BPTF: variants seen among roughly 807,000 people sequenced by gnomAD.
BPTF encodes nucleosome-remodeling factor subunit BPTF.
Under a neutral mutation model 292.5 loss-of-function variants are expected in BPTF, and 18 were observed. That is an observed-to-expected ratio of 0.06 (90% CI 0.04 to 0.09). The LOEUF is 0.09. BPTF is among the 10% of genes least tolerant of loss of function. BPTF has a pLI of 1.00. For synonymous variants in BPTF, 1,225 were observed against 1,251.9 expected, an observed-to-expected ratio of 0.98 and a Z score of 0.45; for missense variants, 2,726 against 3,498.7, an observed-to-expected ratio of 0.78 and a Z score of 5.57.
chr17:67,825,824 G>A lies in BPTF; in HGVS notation c.100G>A (p.Gly34Arg). ...GCCACCGCCGCCGCCGCCCACGTCC[G>A]GACCCATCGGGGGGCTCCGCTCGCG... ...PPPPPPPPTSGPIGGLRSRHR... is the reference protein window; with the variant it reads ...PPPPPPPPTSRPIGGLRSRHR... Residue 34 changes from glycine (G) to arginine (R), a missense_variant, in exon 1 of 28, where the codon GGA becomes AGA. Transcript: ENST00000306378. 1 of 1,020,468 alleles carries A rather than the reference G, an allele frequency of 9.8e-7. No homozygotes were observed. The highest frequency in any genetic ancestry group is 1.2e-6 in the Non-Finnish European group (1 of 854,846). The allele number at this position is 1,020,468 out of a possible 1,614,324, so 63.2% of individuals were successfully genotyped here. A position where few individuals can be genotyped will look rare whatever the true frequency, so the allele number is the denominator to read the frequency against.
At chr17:67,913,893 A>G (rs1241100795) in intron 11 of BPTF, among the ~76,000 whole-genome samples, 1 of 152,214 alleles carries the variant, frequency 6.6e-6, no homozygotes, top group Non-Finnish European at 1.5e-5. Flanking sequence ...GCCTGTGGCT[A>G]CAGAGACACA....
intron 14 of BPTF, among the ~76,000 whole-genome samples, 153 bp downstream of exon 14, chr17:67,923,143 C>T (rs1269849945): frequency 6.6e-6 from 1 of 151,304 alleles, no homozygotes; most frequent in East Asian, 1.9e-4. Context: ...GCAACCTCTG[C>T]CTCCCAGGCT....
intron 26 of BPTF, among the ~76,000 whole-genome samples, chr17:67,968,977 A>G (rs1555689207): frequency 6.7e-6 from 1 of 149,918 alleles, no homozygotes; most frequent in African/African-American, 2.5e-5. Flanking sequence ...GCGAAACTCC[A>G]TCTCAAAAAA....
chr17:67,826,111 C>T lies in BPTF; in HGVS notation c.387C>T (p.His129=), dbSNP rs575221858. The part of the protein sequence containing the change: ...RAVNKVVYDD[H]ESEEEEEEED... ...TCAACAAAGTGGTGTACGATGACCA[C>T]GAGAGCGAGGAGGAGGAGGAAGAGG... Residue 129 remains histidine (H), a synonymous_variant, in exon 1 of 28, where the codon CAC becomes CAT. Coordinates refer to ENST00000306378, the MANE Select transcript of BPTF (RefSeq NM_182641.4). 3 of 1,413,774 alleles carry T rather than the reference C, an allele frequency of 2.1e-6. No homozygotes were observed. The East Asian group carries it at 7.1e-5, about 33-fold the overall frequency. 87.6% of individuals were successfully genotyped at this position (1,413,774 alleles called of 1,614,324 possible). A position where few individuals can be genotyped will look rare whatever the true frequency, so the allele number is the denominator to read the frequency against.
rs1308218406 is a variant in BPTF, at chr17:67,888,357, G to A, written c.1865-3487G>A. ...TAATCCCAGCACTTTGGGAGGCCAA[G>A]GCGGGCGGATCACGAGGTCAGGAGT... On this transcript the variant is annotated intron_variant, in intron 4 of 27. Transcript: ENST00000306378. Among the ~76,000 whole-genome samples, 7 of 152,200 alleles carry A rather than the reference G, an allele frequency of 4.6e-5. No homozygotes were observed. In the East Asian group the frequency reaches 1.4e-3, roughly 29 times the overall value.
chr17:67,852,123 A>G (rs893771053), intron 1 of BPTF, among the ~76,000 whole-genome samples: 2 of 152,124 alleles, frequency 1.3e-5, no homozygotes, highest in African/African-American at 4.8e-5. Flanking sequence ...TTCTCTCTTT[A>G]AACACTGTAG....
rs1171007555 is a variant in BPTF, at chr17:67,912,546, A to G, written c.4662A>G (p.Glu1554=). The change falls in exon 11 of 28, where the codon GAA becomes GAG. Residue 1554 remains glutamate (E), a synonymous_variant. Transcript: ENST00000306378. ...VTSSPITSEE[E]SNLSNDFIDE... ...CATCACCTATTACTTCTGAAGAGGAATCTAATCTCAGTAATGACTTTATTG... is the reference window on the plus strand; with the variant it reads ...CATCACCTATTACTTCTGAAGAGGAGTCTAATCTCAGTAATGACTTTATTG... 3.7e-6 allele frequency: 6 copies of G among 1,613,918 alleles called. No homozygotes were observed. In the African/African-American group the frequency reaches 6.7e-5, roughly 18 times the overall value.
intron 26 of BPTF, among the ~76,000 whole-genome samples, chr17:67,971,716 A>T (rs550900401): frequency 6.6e-6 from 1 of 151,132 alleles, no homozygotes; most frequent in South Asian, 2.1e-4. Context: ...AGTCAGGAGA[A>T]TTGCTTGAAC....
At chr17:67,872,048 A>G (rs994758929) in intron 3 of BPTF, among the ~76,000 whole-genome samples, 1 of 151,630 alleles carries the variant, frequency 6.6e-6, no homozygotes, top group Non-Finnish European at 1.5e-5. Context: ...CTGGTCTCAA[A>G]CTTCTAGCCT....
chr17:67,919,260 G>A (rs193188120), intron 12 of BPTF, among the ~76,000 whole-genome samples: 3 of 151,736 alleles, frequency 2.0e-5, no homozygotes, highest in Admixed American at 2.0e-4. Flanking sequence ...TTTTGGCCAT[G>A]TGTGGTGGCT....
Position 67,946,276 on chromosome 17 carries a change from GTGAACACA to G in BPTF, c.7569_7576del (p.Glu2524ProfsTer5). On this transcript the variant is annotated frameshift_variant, in exon 21 of 28. Coordinates refer to ENST00000306378, the MANE Select transcript of BPTF (RefSeq NM_182641.4). LOFTEE classifies it high-confidence loss of function. ...AAACAGCAACAGATAGAAATTAAGC[GTGAACACA>G]CCCTCCAAGCTTCTAATCAAAGTGA... 6.2e-7 allele frequency: 1 copy of G among 1,614,134 alleles called. No homozygotes were observed. The highest frequency in any genetic ancestry group is 8.5e-7 in the Non-Finnish European group (1 of 1,180,020).
chr17:67,934,531 G>A (rs1247302300), intron 18 of BPTF, among the ~76,000 whole-genome samples: 11 of 148,750 alleles, frequency 7.4e-5, no homozygotes, highest in Non-Finnish European at 1.2e-4. Flanking sequence ...AAAAAAAAAA[G>A]AAAAGAAAAA....
chr17:67,835,222 A>T (rs115496390), intron 1 of BPTF, among the ~76,000 whole-genome samples: 2,764 of 151,808 alleles, frequency 0.018, 92 homozygotes, highest in African/African-American at 0.063. Flanking sequence ...TAAAAAAAAA[A>T]TTTAAGTAAA....
chr17:67,921,823 G>A (rs1372334619), intron 13 of BPTF, among the ~76,000 whole-genome samples: 1 of 152,098 alleles, frequency 6.6e-6, no homozygotes, highest in African/African-American at 2.4e-5. Context: ...TTTGAGGTCA[G>A]GAGTTCAAGA....
intron 4 of BPTF, among the ~76,000 whole-genome samples, chr17:67,877,096 A>C (rs991158018): frequency 2.6e-5 from 4 of 152,240 alleles, no homozygotes; most frequent in Non-Finnish European, 5.9e-5. Flanking sequence ...ATCATACCAG[A>C]TTTTAAAGAG....
At chr17:67,862,705 T>C (rs2059156306) in intron 2 of BPTF, among the ~76,000 whole-genome samples, 1 of 151,966 alleles carries the variant, frequency 6.6e-6, no homozygotes, top group African/African-American at 2.4e-5. Flanking sequence ...CTGGGTAGTT[T>C]AAAACAGTAG....
intron 2 of BPTF, among the ~76,000 whole-genome samples, chr17:67,859,251 T>C (rs2058927942): frequency 6.6e-6 from 1 of 152,170 alleles, no homozygotes; most frequent in Admixed American, 6.5e-5. Context: ...GCTCAGGCCA[T>C]CCTCTCACCT....
rs768493530 is a variant in BPTF, at chr17:67,826,205, G to A, written c.481G>A (p.Asp161Asn). The A allele has an allele frequency of 1.2e-6, 2 of 1,613,058 alleles. No homozygotes were observed. Among genetic ancestry groups the A allele is most frequent in the East Asian group, 4.5e-5 (2 of 44,852 alleles). The change falls in exon 1 of 28, where the codon GAC becomes AAC. Residue 161 changes from aspartate (D) to asparagine (N), a missense_variant. This residue lies in a region of BPTF where 153 missense variants were observed against 178.3 expected (regional missense o/e 0.86). Coordinates refer to ENST00000306378, the MANE Select transcript of BPTF (RefSeq NM_182641.4). ...CGAGGAGACCCAGGATTCTGAGGAC[G>A]ACGAGGAGGATGAGATGGAAGAGGA... Reference protein sequence around the residue: ...DAEETQDSEDDEEDEMEEDDD... With the variant: ...DAEETQDSEDNEEDEMEEDDD...
intron 27 of BPTF, among the ~76,000 whole-genome samples, chr17:67,979,018 A>G (rs1555695541): frequency 6.6e-6 from 1 of 151,024 alleles, no homozygotes; most frequent in East Asian, 2.0e-4. Flanking sequence ...TTTACAAAAC[A>G]CAAAAATTAG....
Sources: allele counts gnomAD v4.1 joint callset (sites outside exome capture counted in the v4.1 genomes callset), GRCh38; gene constraint gnomAD v4.1.1; regional missense constraint gnomAD v4.1.1; transcripts MANE v1.5; gene names NCBI Gene and HGNC (gene_info 2026-07-23, HGNC 2026-07-21).